Variants in TENM1 observed in about 807,000 individuals in gnomAD.
The protein encoded by TENM1 is teneurin transmembrane protein 1, also known as teneurin-1.
Under a neutral mutation model 174.8 loss-of-function variants are expected in TENM1, and 35 were observed. The ratio of observed to expected loss-of-function variants is 0.20; its 90% CI spans 0.15 to 0.27. The LOEUF (loss-of-function observed/expected upper bound fraction) is 0.27, where lower values mean the gene tolerates loss of function less well. TENM1 is among the 10% of genes least tolerant of loss of function. TENM1 has a pLI of 1.00. For missense variants in TENM1, 1,633 were observed against 2,130.1 expected, an observed-to-expected ratio of 0.77 and a Z score of 4.59; for synonymous variants, 781 against 798.7, an observed-to-expected ratio of 0.98 and a Z score of 0.37.
chrX:124,830,433 A>G (rs2056265196), intron 3 of TENM1, among the ~76,000 whole-genome samples: 1 of 111,872 alleles, frequency 8.9e-6, no homozygotes, highest in African/African-American at 3.2e-5. Context: ...GTGCATTGAG[A>G]GATGGGTGGC....
chrX:125,006,269 T>C, the TENM1 span, among the ~76,000 whole-genome samples: 1 of 111,599 alleles, frequency 9.0e-6, no homozygotes, highest in Non-Finnish European at 1.9e-5. Context: ...CTGGGTGGAA[T>C]TCACCACAGT....
At chrX:124,541,319 A>T (rs960104765) in intron 15 of TENM1, among the ~76,000 whole-genome samples, 6 of 112,271 alleles carry the variant, frequency 5.3e-5, no homozygotes, top group Admixed American at 1.9e-4. Flanking sequence ...AGGTGACTGG[A>T]TCATGGGGAT....
At chrX:124,958,544 T>C (rs2058610629) in intron 1 of TENM1, among the ~76,000 whole-genome samples, 1 of 111,562 alleles carries the variant, frequency 9.0e-6, no homozygotes, top group Admixed American at 9.6e-5. Context: ...TTTTTTGAAT[T>C]CCTGAAGATC....
intron 1 of TENM1, among the ~76,000 whole-genome samples, chrX:124,961,429 G>A (rs766682718): frequency 4.5e-5 from 5 of 111,071 alleles, no homozygotes; most frequent in African/African-American, 1.6e-4. Context: ...ATCACATGAG[G>A]CCAGGAGTTC....
chrX:124,486,849 C>T (rs1289700082), intron 21 of TENM1, among the ~76,000 whole-genome samples: 1 of 111,830 alleles, frequency 8.9e-6, no homozygotes, highest in Non-Finnish European at 1.9e-5. Flanking sequence ...TGCTGTATTA[C>T]CTCTTTCTCT....
chrX:124,959,828 A>G (rs918957899), intron 1 of TENM1, among the ~76,000 whole-genome samples: 3 of 111,781 alleles, frequency 2.7e-5, no homozygotes, highest in African/African-American at 9.7e-5. Flanking sequence ...ACCAGTAATC[A>G]ATTATGAGGT....
intron 3 of TENM1, among the ~76,000 whole-genome samples, chrX:124,823,603 C>T (rs777400878): frequency 9.1e-6 from 1 of 109,972 alleles, no homozygotes; most frequent in East Asian, 2.9e-4. Context: ...ACTATGGACC[C>T]CAAAAGAGTA....
intron 6 of TENM1, among the ~76,000 whole-genome samples, chrX:124,671,465 C>T (rs1357453108): frequency 9.0e-6 from 1 of 111,333 alleles, no homozygotes; most frequent in Non-Finnish European, 1.9e-5. Context: ...TTCAAAATTG[C>T]CAACATATTT....
the TENM1 span, among the ~76,000 whole-genome samples, chrX:125,126,604 A>G: frequency 9.1e-6 from 1 of 110,256 alleles, no homozygotes; most frequent in Admixed American, 9.7e-5. Flanking sequence ...GAAACTTTGT[A>G]CTGCTTCCAA....
chrX:124,762,769 G>A (rs899815075), intron 3 of TENM1, among the ~76,000 whole-genome samples: 2 of 111,398 alleles, frequency 1.8e-5, no homozygotes, highest in African/African-American at 6.5e-5. Context: ...AGGAAAATGA[G>A]GCATGGAAAA....
chrX:124,806,176 T>A (rs749184075), intron 3 of TENM1, among the ~76,000 whole-genome samples: 108 of 111,056 alleles, frequency 9.7e-4, no homozygotes, highest in African/African-American at 3.2e-3. Context: ...AAAAATACAA[T>A]GAAAAAAACG....
Position 124,624,536 on chromosome X carries a change from C to A in TENM1, c.2077+17255G>T, listed in dbSNP as rs146250588. On this transcript the variant is annotated intron_variant, in intron 11 of 31. Coordinates refer to ENST00000422452, the Ensembl canonical transcript of TENM1. Reference sequence around the variant, plus strand: ...ACTATTATGTGCCAGAGGTTTTACACATATTACACCCATTTTACAGATATG... The same window carrying A: ...ACTATTATGTGCCAGAGGTTTTACAAATATTACACCCATTTTACAGATATG... Among the ~76,000 whole-genome samples the A allele has an allele frequency of 2.9e-3, 321 of 112,121 alleles. 2 individuals carry two copies. Among genetic ancestry groups the A allele is most frequent in the Non-Finnish European group, 4.4e-3 (232 of 53,216 alleles).
chrX:125,158,214 C>A, the TENM1 span, among the ~76,000 whole-genome samples: 1 of 108,827 alleles, frequency 9.2e-6, no homozygotes, highest in African/African-American at 3.3e-5. Context: ...ACCATCCTGG[C>A]CAACATGGTG....
At chrX:124,838,803 A>G (rs777311672) in intron 3 of TENM1, among the ~76,000 whole-genome samples, 1 of 111,361 alleles carries the variant, frequency 9.0e-6, no homozygotes, top group South Asian at 3.8e-4. Flanking sequence ...ACATAAACAC[A>G]CATATATACA....
chrX:124,522,847 CCTGA>C (rs2047885561), intron 17 of TENM1, among the ~76,000 whole-genome samples: 1 of 110,810 alleles, frequency 9.0e-6, no homozygotes, highest in Non-Finnish European at 1.9e-5. Flanking sequence ...TGCCACCATG[CCTGA>C]CTAATTTTGT....
chrX:124,762,474 C>G (rs1437117884), intron 3 of TENM1, among the ~76,000 whole-genome samples: 1 of 112,199 alleles, frequency 8.9e-6, no homozygotes, highest in Non-Finnish European at 1.9e-5. Flanking sequence ...GCATCTTACA[C>G]TATATAGCAT....
chrX:124,857,792 C>A (rs1356515928), intron 3 of TENM1, among the ~76,000 whole-genome samples: 1 of 109,512 alleles, frequency 9.1e-6, no homozygotes, highest in African/African-American at 3.3e-5. Flanking sequence ...CAGAAGCAAT[C>A]AAATATTTAC....
In TENM1 at chrX:124,789,882, G is replaced by A. The variant is rs924517768; in HGVS notation, c.536-52685C>T. Among the ~76,000 whole-genome samples, 3 of 111,334 alleles carry A rather than the reference G, an allele frequency of 2.7e-5. No homozygotes were observed. The East Asian group carries it at 8.4e-4, about 31-fold the overall frequency. Reference sequence around the variant, plus strand: ...TCCACATTTTTAGGTATTTTTTTCAGTAGCGCCTCATTCTACTGGTACCAA... The same window carrying A: ...TCCACATTTTTAGGTATTTTTTTCAATAGCGCCTCATTCTACTGGTACCAA... On this transcript the variant is annotated intron_variant, in intron 3 of 31. Transcript: ENST00000422452.
chrX:124,417,891 A>G (rs1162875574), intron 25 of TENM1, among the ~76,000 whole-genome samples: 1 of 111,386 alleles, frequency 9.0e-6, no homozygotes, highest in Non-Finnish European at 1.9e-5. Flanking sequence ...CCCACACTCA[A>G]TACTCAATCT....
Sources: gnomAD v4.1 joint callset for allele counts (sites outside exome capture counted in the v4.1 genomes callset) on GRCh38, gnomAD v4.1.1 for gene constraint, MANE v1.5 for transcripts, NCBI Gene and HGNC (gene_info 2026-07-23, HGNC 2026-07-21) for gene names.